The following ZEB2 variants were observed in gnomAD, a reference collection of about 807,000 sequenced individuals.
ZEB2 encodes the protein zinc finger E-box binding homeobox 2.
In ZEB2, 6 loss-of-function variants were observed where a neutral mutation model predicts 99.9. That is an observed-to-expected ratio of 0.06 (90% CI 0.03 to 0.12). ZEB2 has a LOEUF of 0.12. Among genes scored for constraint, ZEB2 ranks in the 10% least tolerant of loss-of-function variants. The probability of loss-of-function intolerance (pLI) is 1.00; values close to 1 mark genes in which losing one functional copy is unlikely to be tolerated. For synonymous variants in ZEB2, 517 were observed against 542.5 expected (o/e 0.95, Z 0.65); for missense variants, 969 against 1,502.8 (o/e 0.64, Z 5.87).
chr2:144,448,820 C>T (rs1032842970), intron 2 of ZEB2: 4 of 152,284 alleles, frequency 2.6e-5, no homozygotes, highest in African/African-American at 4.8e-5. Flanking sequence ...TCTCCCCACT[C>T]GCAGGCAGTG....
chr2:144,390,617 A>G (rs574133495), intron 9 of ZEB2: 45 of 166,714 alleles, frequency 2.7e-4, no homozygotes, highest in Non-Finnish European at 4.8e-4. Context: ...AATAAAAATC[A>G]GAGAAGAAAC....
chr2:144,432,902 T>C (rs1297165042), intron 2 of ZEB2, among the ~76,000 whole-genome samples: 1 of 152,192 alleles, frequency 6.6e-6, no homozygotes, highest in Non-Finnish European at 1.5e-5. Flanking sequence ...GGGCAGAATA[T>C]ATTAGGCCAG....
At chr2:144,478,584 C>A (rs561786567) in intron 2 of ZEB2, among the ~76,000 whole-genome samples, 3 of 152,310 alleles carry the variant, frequency 2.0e-5, no homozygotes, top group African/African-American at 7.2e-5. Context: ...AAATTTCAAT[C>A]CAGCCCTTTA....
chr2:144,440,516 T>TATACA (rs1491431111), intron 2 of ZEB2, among the ~76,000 whole-genome samples: 6 of 10,040 alleles, frequency 6.0e-4, no homozygotes, highest in African/African-American at 1.2e-3. Context: ...TATATATATA[T>TATACA]TTTTTTTTTT....
At chr2:144,440,515 A>ATATATATAT (rs1703899127) in intron 2 of ZEB2, among the ~76,000 whole-genome samples, 1 of 32,846 alleles carries the variant, frequency 3.0e-5, no homozygotes, top group African/African-American at 7.9e-5. Context: ...ATATATATAT[A>ATATATATAT]TTTTTTTTTT....
chr2:144,415,065 T>C (rs1445225488), intron 4 of ZEB2, among the ~76,000 whole-genome samples: 5 of 149,732 alleles, frequency 3.3e-5, no homozygotes, highest in African/African-American at 1.2e-4. Flanking sequence ...ATTCTTACAT[T>C]TTTTTTTTTA....
chr2:144,434,629 G>T lies in ZEB2; in HGVS notation c.74-4603C>A, dbSNP rs192096462. Among the ~76,000 whole-genome samples the T allele has an allele frequency of 5.3e-5, 8 of 152,228 alleles. No individual in the cohort carries two copies. The East Asian group carries it at 1.5e-3, about 29-fold the overall frequency. ...CAGAGTAAGGGATGGAAATCCCTGG[G>T]ACTTTTTGGGATTTTCATGCCACAA... On this transcript the variant is annotated intron_variant, in intron 2 of 9. Transcript: ENST00000627532.
At chr2:144,476,274 G>C (rs942874794) in intron 2 of ZEB2, among the ~76,000 whole-genome samples, 1 of 152,044 alleles carries the variant, frequency 6.6e-6, no homozygotes, top group Non-Finnish European at 1.5e-5. Flanking sequence ...CCCCAATGGT[G>C]GTATGGCTGT....
intron 2 of ZEB2, among the ~76,000 whole-genome samples, chr2:144,475,369 T>C (rs1450972139): frequency 6.6e-6 from 1 of 152,172 alleles, no homozygotes; most frequent in East Asian, 1.9e-4. Flanking sequence ...TGACTATTGT[T>C]TTCACTTTGA....
At chr2:144,393,928 A>G (rs545164287) in intron 9 of ZEB2, among the ~76,000 whole-genome samples, 2 of 152,172 alleles carry the variant, frequency 1.3e-5, no homozygotes, top group East Asian at 1.9e-4. Flanking sequence ...TTATTTATTT[A>G]TTTATTTATT....
chr2:144,473,405 T>C (rs575331306), intron 2 of ZEB2, among the ~76,000 whole-genome samples: 2 of 152,266 alleles, frequency 1.3e-5, no homozygotes, highest in East Asian at 3.9e-4. Flanking sequence ...TCCTAAAACG[T>C]GGCTGGCTTA....
chr2:144,429,097 T>C (rs6721820), intron 3 of ZEB2: 50,924 of 152,202 alleles, frequency 0.33, 9,258 homozygotes, highest in African/African-American at 0.48. Context: ...TGCACAGTGT[T>C]GTCGGAAGTT....
chr2:144,471,506 TTC>T (rs778159854), intron 2 of ZEB2, among the ~76,000 whole-genome samples: 1 of 150,676 alleles, frequency 6.6e-6, no homozygotes, highest in Admixed American at 6.6e-5. Context: ...ATGCACACTC[TTC>T]TCTCTCTCTC....
At chr2:144,486,998 A>G (rs1311581165) in intron 2 of ZEB2, among the ~76,000 whole-genome samples, 1 of 152,186 alleles carries the variant, frequency 6.6e-6, no homozygotes, top group East Asian at 1.9e-4. Flanking sequence ...CACTGTACTT[A>G]ATTTGATAGG....
intron 7 of ZEB2, among the ~76,000 whole-genome samples, chr2:144,400,833 C>G (rs978334028): frequency 3.3e-5 from 5 of 152,150 alleles, no homozygotes; most frequent in African/African-American, 1.2e-4. Flanking sequence ...AATTCTTCAC[C>G]CTTTTTTTCA....
rs1280739857 is a variant in ZEB2, at chr2:144,389,799, C to T, written c.3297G>A (p.Gly1099=). The stretch of plus-strand genomic sequence containing the variant: ...TCAGCAGCTCGGTGGGTTCCAAGTG[C>T]CCTTTCTCGCGCGCCTCGCGCTCCG... ...EAAEREAREK[G]HLEPTELLMN... is the part of the protein sequence containing the mutation. Residue 1099 remains glycine, a synonymous_variant, in exon 10 of 10, where the codon GGG becomes GGA. Coordinates refer to ENST00000627532, the MANE Select transcript of ZEB2 (RefSeq NM_014795.4). The surrounding 1 kb of genome is among the most constrained non-coding windows in gnomAD (Gnocchi z 6.8). 3 of 1,611,226 alleles carry T rather than the reference C, an allele frequency of 1.9e-6. No homozygotes were observed. The highest frequency in any genetic ancestry group is 2.2e-5 in the South Asian group (2 of 90,900).
At chr2:144,411,333 C>T (rs761379907) in intron 4 of ZEB2, among the ~76,000 whole-genome samples, 6 of 151,574 alleles carry the variant, frequency 4.0e-5, no homozygotes, top group African/African-American at 1.2e-4. Flanking sequence ...TAAGAAAACA[C>T]GAAAATTATT....
In ZEB2 at chr2:144,403,992, G is replaced by A; in HGVS notation, c.731C>T (p.Pro244Leu). Residue 244 changes from proline to leucine, a missense_variant, in exon 6 of 10, where the codon CCT becomes CTT. Transcript: ENST00000627532. Reference protein sequence around the residue: ...HEKNEENFSCPLCSYTFAYRT... With the variant: ...HEKNEENFSCLLCSYTFAYRT... ...GTAGGCAAACGTGTAGCTACAGAGA[G>A]GGCAGGAAAAGTTCTCTTCATTCTT... is the stretch of plus-strand genomic sequence containing the variant. 2 of 1,614,110 alleles carry A rather than the reference G, an allele frequency of 1.2e-6. No individual in the cohort carries two copies. The highest frequency in any genetic ancestry group is 2.2e-5 in the East Asian group (1 of 44,876).
At chr2:144,514,622 T>A (rs1705099093) in intron 2 of ZEB2, among the ~76,000 whole-genome samples, 1 of 151,804 alleles carries the variant, frequency 6.6e-6, no homozygotes. Context: ...GAAAAAGGGG[T>A]GGGGTGGTAG....
Sources: gnomAD v4.1 joint callset for allele counts (sites outside exome capture counted in the v4.1 genomes callset) on GRCh38, gnomAD v4.1.1 for gene constraint, Gnocchi (gnomAD v3.1) non-coding constraint, MANE v1.5 for transcripts, NCBI Gene and HGNC (gene_info 2026-07-23, HGNC 2026-07-21) for gene names.